The following EFTUD2 variants were observed in gnomAD, a reference collection of about 807,000 sequenced individuals.
The protein encoded by EFTUD2 is 116 kDa U5 small nuclear ribonucleoprotein component.
In EFTUD2, 9 loss-of-function variants were observed where a neutral mutation model predicts 114.3. The observed-to-expected ratio is 0.08, with a 90% CI of 0.05 to 0.14. The LOEUF (loss-of-function observed/expected upper bound fraction) is 0.14. EFTUD2 is among the 10% of genes least tolerant of loss of function. The pLI is 1.00. For synonymous variants in EFTUD2, 449 were observed against 462.3 expected (o/e 0.97, Z 0.37); for missense variants, 765 against 1,241.2 (o/e 0.62, Z 5.76).
intron 1 of EFTUD2, among the ~76,000 whole-genome samples, chr17:44,898,276 G>A (rs943981340): frequency 2.0e-5 from 3 of 152,040 alleles, no homozygotes; most frequent in Non-Finnish European, 4.4e-5. Flanking sequence ...GGAGTACAAC[G>A]GCACGATCTC....
Position 44,880,487 on chromosome 17 carries a change from A to G in EFTUD2, c.619+67T>C, listed in dbSNP as rs1443463. 0.63 allele frequency: 808,472 copies of G among 1,276,752 alleles called. 257,923 individuals are homozygous for G. The highest frequency in any genetic ancestry group is 0.82 in the African/African-American group (55,808 of 68,058). 79.1% of individuals were successfully genotyped at this position (1,276,752 alleles called of 1,614,324 possible). A position where few individuals can be genotyped will look rare whatever the true frequency, so the allele number is the denominator to read the frequency against. ...AGATGCACTGCTCCGTTCTGCTCCG[A>G]AAAGTGAGAGGACACACGCAAAACC... On this transcript the variant is annotated intron_variant, in intron 8 of 27. Transcript: ENST00000426333.
At chr17:44,864,634 C>T (rs551483626) in intron 14 of EFTUD2, among the ~76,000 whole-genome samples, 5 of 152,182 alleles carry the variant, frequency 3.3e-5, no homozygotes, top group East Asian at 1.9e-4. Flanking sequence ...TCCACCTTCC[C>T]GGCTGCCCCC....
At chr17:44,893,706 C>T (rs550226694) in intron 2 of EFTUD2, among the ~76,000 whole-genome samples, 29 of 140,104 alleles carry the variant, frequency 2.1e-4, no homozygotes, top group Non-Finnish European at 3.7e-4. Context: ...TCTCAAGAGA[C>T]GTACCCAGGG....
intron 10 of EFTUD2, among the ~76,000 whole-genome samples, chr17:44,873,900 T>C (rs1314022383): frequency 6.6e-6 from 1 of 150,646 alleles, no homozygotes; most frequent in Non-Finnish European, 1.5e-5. Flanking sequence ...CCCGGCTAAT[T>C]TTTTTTGTAT....
Position 44,850,092 on chromosome 17 carries a change from CTG to C in EFTUD2, c.*1180_*1181del. ...CCTGGCCTGCCTACCTTGCAGGCTG[CTG>C]TGAGGTTTCTCAGATACACAATACA... is the stretch of plus-strand genomic sequence containing the variant. On this transcript the variant is annotated 3_prime_UTR_variant, in exon 28 of 28. Transcript: ENST00000426333. 1 of 427,724 alleles carries C rather than the reference CTG, an allele frequency of 2.3e-6. No individual in the cohort carries two copies. Among genetic ancestry groups the C allele is most frequent in the Non-Finnish European group, 4.3e-6 (1 of 232,656 alleles). 26.5% of individuals were successfully genotyped at this position (427,724 alleles called of 1,614,324 possible).
chr17:44,887,801 T>G (rs2051200911), intron 2 of EFTUD2, among the ~76,000 whole-genome samples: 1 of 152,220 alleles, frequency 6.6e-6, no homozygotes, highest in Non-Finnish European at 1.5e-5. Flanking sequence ...CATTAAATTG[T>G]ACACTTTACA....
intron 16 of EFTUD2, among the ~76,000 whole-genome samples, chr17:44,862,228 A>G (rs2145468147): frequency 6.6e-6 from 1 of 152,302 alleles, no homozygotes; most frequent in South Asian, 2.1e-4. Context: ...TGAGCCCAGG[A>G]GTTGGAGACC....
rs562113221 is a variant in EFTUD2 at position 44,851,476 on chromosome 17, T to C, written c.2824-107A>G. The C allele has an allele frequency of 7.0e-6, 7 of 997,092 alleles. No homozygotes were observed. The Admixed American group carries it at 1.1e-4, about 16-fold the overall frequency. 61.8% of individuals were successfully genotyped at this position (997,092 alleles called of 1,614,324 possible). ...GGGGAGGCTAGTGGTGGCTGGAATG[T>C]AGGTGGTGGTGTTTCAGGAGCCCTG... On this transcript the variant is annotated intron_variant, in intron 27 of 27. Coordinates refer to ENST00000426333, the MANE Select transcript of EFTUD2 (RefSeq NM_004247.4).
chr17:44,882,443 A>C (rs1255302102), intron 6 of EFTUD2, among the ~76,000 whole-genome samples: 1 of 151,828 alleles, frequency 6.6e-6, no homozygotes, highest in East Asian at 1.9e-4. Context: ...TTTAGTAGAG[A>C]TAGAGTTTCG....
intron 9 of EFTUD2, among the ~76,000 whole-genome samples, chr17:44,876,613 G>A (rs1254880916): frequency 1.3e-5 from 2 of 152,172 alleles, no homozygotes; most frequent in Non-Finnish European, 1.5e-5. Context: ...AGCACTTTGG[G>A]AGGCTGAGGT....
At chr17:44,861,740 A>T (rs930661967) in intron 16 of EFTUD2, among the ~76,000 whole-genome samples, 3 of 152,118 alleles carry the variant, frequency 2.0e-5, no homozygotes, top group Non-Finnish European at 4.4e-5. Flanking sequence ...TCTCAAAAAA[A>T]AAAGCATCAC....
At chr17:44,895,097 C>A (rs1391330664) in intron 1 of EFTUD2, among the ~76,000 whole-genome samples, 2 of 152,120 alleles carry the variant, frequency 1.3e-5, no homozygotes, top group African/African-American at 4.8e-5. Flanking sequence ...GCTAAGAATG[C>A]TTTTTCACAT....
intron 14 of EFTUD2, among the ~76,000 whole-genome samples, chr17:44,864,373 G>A (rs2050708673): frequency 6.6e-6 from 1 of 152,186 alleles, no homozygotes; most frequent in Non-Finnish European, 1.5e-5. Context: ...ATCAGAGACT[G>A]CTGAGAAGAC....
chr17:44,869,236 T>C (rs1014876846), intron 11 of EFTUD2, among the ~76,000 whole-genome samples: 4 of 152,244 alleles, frequency 2.6e-5, no homozygotes, highest in African/African-American at 7.2e-5. Context: ...ACTGAAACTT[T>C]CCTTCCTCTG....
intron 13 of EFTUD2, among the ~76,000 whole-genome samples, chr17:44,865,649 C>A (rs556449952): frequency 6.6e-6 from 1 of 152,204 alleles, no homozygotes; most frequent in South Asian, 2.1e-4. Context: ...GTTTTGTCCA[C>A]CGGAATGGCC....
At chr17:44,870,825 C>T (rs1017859563) in intron 11 of EFTUD2, among the ~76,000 whole-genome samples, 2 of 152,010 alleles carry the variant, frequency 1.3e-5, no homozygotes, top group African/African-American at 4.8e-5. Flanking sequence ...CGAGACCAGC[C>T]TGACCAACAT....
chr17:44,886,371 A>G (rs2051173508), intron 3 of EFTUD2, among the ~76,000 whole-genome samples: 1 of 152,234 alleles, frequency 6.6e-6, no homozygotes, highest in Admixed American at 6.5e-5. Context: ...CTGATAGCAG[A>G]TAAATAAGAA....
In EFTUD2 at chr17:44,851,188, G is replaced by A. The variant is rs927854509; in HGVS notation, c.*86C>T. On this transcript the variant is annotated 3_prime_UTR_variant, in exon 28 of 28. Coordinates refer to ENST00000426333, the MANE Select transcript of EFTUD2 (RefSeq NM_004247.4). The stretch of plus-strand genomic sequence containing the variant: ...GCTTCCAGACACTCTCTGACAACAC[G>A]AAGGCCACGTCATATGAGGTCTCAG... 32 of 1,119,004 alleles carry A rather than the reference G, an allele frequency of 2.9e-5. No individual in the cohort carries two copies. In the African/African-American group the frequency reaches 3.7e-4, roughly 13 times the overall value. The allele number at this position is 1,119,004 out of a possible 1,614,324, so 69.3% of individuals were successfully genotyped here.
At chr17:44,865,391 A>G in intron 13 of EFTUD2, 1 of 218,742 alleles carries the variant, frequency 4.6e-6, no homozygotes. Flanking sequence ...ATTAAACAGA[A>G]GTCTATTTAC....
Sources: allele counts gnomAD v4.1 joint callset (sites outside exome capture counted in the v4.1 genomes callset), GRCh38; gene constraint gnomAD v4.1.1; transcripts MANE v1.5; gene names NCBI Gene and HGNC (gene_info 2026-07-23, HGNC 2026-07-21).